Variants in ANGPT1 observed in about 807,000 individuals in gnomAD.
ANGPT1 encodes the protein angiopoietin 1, also known as angiopoietin-1.
In ANGPT1, 17 loss-of-function variants were observed where a neutral mutation model predicts 62.2. That is an observed-to-expected ratio of 0.27 (90% confidence interval 0.19 to 0.41). The LOEUF is 0.41. Ranked by LOEUF, ANGPT1 falls within the 10% of genes least tolerant of loss-of-function variation. The pLI, the probability that ANGPT1 is intolerant of heterozygous loss-of-function variation, is 1.00. For missense variants in ANGPT1, 478 were observed against 594.9 expected (o/e 0.80, Z 2.04); for synonymous variants, 199 against 198.9 (o/e 1.00, Z 0.00).
At chr8:107,425,850 G>A (rs904350952) in intron 1 of ANGPT1, among the ~76,000 whole-genome samples, 2 of 152,074 alleles carry the variant, frequency 1.3e-5, no homozygotes, top group African/African-American at 2.4e-5. Context: ...AGCAATCTTG[G>A]TATCCTTTTC....
At chr8:107,398,500 A>ATTTTTTTTTTTTTTTTT (rs10556477) in intron 1 of ANGPT1, among the ~76,000 whole-genome samples, 10 of 132,760 alleles carry the variant, frequency 7.5e-5, no homozygotes, top group Non-Finnish European at 1.3e-4. Context: ...TTTCTTTTCT[A>ATTTTTTTTTTTTTTTTT]TTTTTTTTTT....
intron 6 of ANGPT1, among the ~76,000 whole-genome samples, chr8:107,293,386 A>T (rs1463472826): frequency 6.6e-6 from 1 of 152,160 alleles, no homozygotes; most frequent in African/African-American, 2.4e-5. Context: ...TCTGGGTCTA[A>T]TAAAACTAAA....
At chr8:107,386,071 A>T (rs1816726796) in intron 1 of ANGPT1, among the ~76,000 whole-genome samples, 1 of 152,134 alleles carries the variant, frequency 6.6e-6, no homozygotes, top group African/African-American at 2.4e-5. Context: ...TATTAAAAAA[A>T]AATCAGATCC....
intron 1 of ANGPT1, among the ~76,000 whole-genome samples, chr8:107,410,537 G>A (rs1817247406): frequency 6.6e-6 from 1 of 152,064 alleles, no homozygotes; most frequent in Non-Finnish European, 1.5e-5. Context: ...TAATTGTTTT[G>A]GTAGAGGAAA....
intron 1 of ANGPT1, among the ~76,000 whole-genome samples, chr8:107,404,650 A>G (rs1817112790): frequency 6.6e-6 from 1 of 152,090 alleles, no homozygotes; most frequent in South Asian, 2.1e-4. Flanking sequence ...AAGATACTGC[A>G]ATGAACATTT....
intron 1 of ANGPT1, among the ~76,000 whole-genome samples, chr8:107,496,293 G>A (rs1400745715): frequency 1.3e-5 from 2 of 152,138 alleles, no homozygotes; most frequent in Non-Finnish European, 2.9e-5. Flanking sequence ...ATTAAACAGA[G>A]TGCAAAGACA....
At position 107,434,250 on chromosome 8, in the gene ANGPT1, G is replaced by T. The variant is rs1002966646; in HGVS notation, c.297+63012C>A. ...ATATGCTTGGCAAGTCTTGAGAACA[G>T]TGGGAAGTGTAGCATGTGTAATAGG... On this transcript the variant is annotated intron_variant, in intron 1 of 8. Transcript: ENST00000517746. Among the ~76,000 whole-genome samples the T allele has an allele frequency of 3.3e-5, 5 of 152,280 alleles. No homozygotes were observed. In the East Asian group the frequency reaches 5.8e-4, roughly 18 times the overall value.
intron 1 of ANGPT1, among the ~76,000 whole-genome samples, chr8:107,431,614 G>A (rs965544124): frequency 3.3e-5 from 5 of 152,090 alleles, no homozygotes; most frequent in Non-Finnish European, 4.4e-5. Flanking sequence ...TCTCTGTGAC[G>A]TCTTTCCTGC....
At chr8:107,490,174 C>G (rs1486751686) in intron 1 of ANGPT1, among the ~76,000 whole-genome samples, 1 of 152,114 alleles carries the variant, frequency 6.6e-6, no homozygotes, top group Non-Finnish European at 1.5e-5. Context: ...AAACAAATGA[C>G]AGGGGGGAAA....
Position 107,269,571 on chromosome 8 carries a change from C to G in ANGPT1, c.1206-5220G>C, listed in dbSNP as rs139915242. Among the ~76,000 whole-genome samples the G allele has an allele frequency of 3.9e-4, 59 of 152,138 alleles. 1 individual carries two copies. The South Asian group carries it at 5.4e-3, about 14-fold the overall frequency. ...AGTTAGAATACATCTCCCAAAATAA[C>G]AGCATGGGAATCCTGGTTATTTATT... On this transcript the variant is annotated intron_variant, in intron 7 of 8. Coordinates refer to ENST00000517746, the MANE Select transcript of ANGPT1 (RefSeq NM_001146.5).
intron 1 of ANGPT1, among the ~76,000 whole-genome samples, chr8:107,476,231 T>C (rs1396352888): frequency 6.6e-6 from 1 of 152,182 alleles, no homozygotes; most frequent in Non-Finnish European, 1.5e-5. Flanking sequence ...GTGGAACATA[T>C]ACACCATGGA....
intron 1 of ANGPT1, among the ~76,000 whole-genome samples, chr8:107,417,515 TC>T (rs1302044618): frequency 6.7e-6 from 1 of 150,250 alleles, no homozygotes; most frequent in African/African-American, 2.4e-5. Context: ...TCTTCTTCAA[TC>T]AAAAACCTCT....
chr8:107,414,165 G>A (rs1810671167), intron 1 of ANGPT1, among the ~76,000 whole-genome samples: 1 of 152,258 alleles, frequency 6.6e-6, no homozygotes, highest in African/African-American at 2.4e-5. Flanking sequence ...AATGCTCAAG[G>A]ATAGCAGTTC....
rs1371396961 is a variant in ANGPT1 at position 107,257,876 on chromosome 8, G to GTTTTTTT, written c.1337-5862_1337-5861insAAAAAAA. Among the ~76,000 whole-genome samples, 207 of 85,170 alleles carry GTTTTTTT rather than the reference G, an allele frequency of 2.4e-3. 12 individuals carry two copies. Among genetic ancestry groups the GTTTTTTT allele is most frequent in the African/African-American group, 5.0e-3 (107 of 21,448 alleles). The allele number at this position is 85,170 out of a possible 152,430, so 55.9% of individuals were successfully genotyped here. ...CTCTTCAGGCCAAGGACTTGTTTTT[G>GTTTTTTT]TTTCTTTTTTGTTTGTTTGTTTGTT... On this transcript the variant is annotated intron_variant, in intron 8 of 8. Transcript: ENST00000517746.
rs147517724 is a variant in ANGPT1 at position 107,492,728 on chromosome 8, C to T, written c.297+4534G>A. Among the ~76,000 whole-genome samples the T allele has an allele frequency of 9.8e-3, 1,473 of 150,334 alleles. 91 individuals carry two copies. The highest frequency in any genetic ancestry group is 0.033 in the African/African-American group (1,343 of 40,750). On this transcript the variant is annotated intron_variant, in intron 1 of 8. Transcript: ENST00000517746. ...TCTCTGACTGTTGCACAGCCACCACCGGCCACCAAAACAATAATATACCAG... is the reference window on the plus strand; with the variant it reads ...TCTCTGACTGTTGCACAGCCACCACTGGCCACCAAAACAATAATATACCAG...
intron 1 of ANGPT1, 92 bp from the exon 2 acceptor site, chr8:107,347,189 C>T (rs1347879011): frequency 1.5e-6 from 2 of 1,326,364 alleles, no homozygotes; most frequent in Non-Finnish European, 2.1e-6. Context: ...CAAGACACCG[C>T]TGGCAAATCA....
chr8:107,350,487 A>G (rs1322513433), intron 1 of ANGPT1, among the ~76,000 whole-genome samples: 1 of 152,160 alleles, frequency 6.6e-6, no homozygotes, highest in South Asian at 2.1e-4. Flanking sequence ...GTGTCTTTGT[A>G]TCAGCTGTTG....
At chr8:107,299,917 T>C (rs1339835965) in intron 5 of ANGPT1, among the ~76,000 whole-genome samples, 5 of 131,428 alleles carry the variant, frequency 3.8e-5, no homozygotes, top group Non-Finnish European at 6.4e-5. Context: ...CTAGATATAC[T>C]ATATATCTAG....
chr8:107,368,978 C>T (rs1264018080), intron 1 of ANGPT1, among the ~76,000 whole-genome samples: 2 of 114,122 alleles, frequency 1.8e-5, no homozygotes, highest in Admixed American at 2.0e-4. Flanking sequence ...GCTGCGTTAT[C>T]CCCCTTACAA....
Sources: gnomAD v4.1 joint callset for allele counts (sites outside exome capture counted in the v4.1 genomes callset) on GRCh38, gnomAD v4.1.1 for gene constraint, MANE v1.5 for transcripts, NCBI Gene and HGNC (gene_info 2026-07-23, HGNC 2026-07-21) for gene names.